Variants in CCDC91 observed in about 807,000 individuals in gnomAD.
The protein encoded by CCDC91 is coiled-coil domain containing 91, also known as coiled-coil domain-containing protein 91.
CCDC91 carries 48 observed loss-of-function variants against 63.2 expected under a neutral mutation model. That is an observed-to-expected ratio of 0.76 (90% CI 0.60 to 0.97). The LOEUF (loss-of-function observed/expected upper bound fraction) is 0.97. CCDC91 is among the 50% of genes least tolerant of loss of function. The pLI is 0.00. For missense variants in CCDC91, 500 were observed against 494.6 expected (o/e 1.01, Z -0.10); for synonymous variants, 167 against 165.8 (o/e 1.01, Z -0.06).
intron 11 of CCDC91, among the ~76,000 whole-genome samples, chr12:28,478,693 A>G (rs535803737): frequency 6.6e-6 from 1 of 152,342 alleles, no homozygotes; most frequent in Non-Finnish European, 1.5e-5. Context: ...GAATGGGAGG[A>G]AATTTTTGCA....
chr12:28,225,901 G>A (rs192402681), intron 1 of CCDC91: 2 of 152,288 alleles, frequency 1.3e-5, no homozygotes, highest in East Asian at 3.9e-4. Flanking sequence ...TTTCTTTGCT[G>A]GCAGCAGGTT....
At chr12:28,358,982 G>C (rs578253342) in intron 6 of CCDC91, among the ~76,000 whole-genome samples, 1 of 152,070 alleles carries the variant, frequency 6.6e-6, no homozygotes, top group African/African-American at 2.4e-5. Context: ...CGCAACCTCC[G>C]CCTCCCGGGT....
chr12:28,529,314 G>A (rs1941544707), intron 12 of CCDC91, among the ~76,000 whole-genome samples: 1 of 152,184 alleles, frequency 6.6e-6, no homozygotes, highest in Non-Finnish European at 1.5e-5. Context: ...TTTGACTTGA[G>A]TATACCAGAC....
chr12:28,197,429 T>C (rs1196003382), intron 1 of CCDC91, among the ~76,000 whole-genome samples: 1 of 152,142 alleles, frequency 6.6e-6, no homozygotes, highest in Middle Eastern at 3.2e-3. Context: ...ATAAGAATTA[T>C]AGAAATCTTT....
chr12:28,377,008 A>C (rs1944989503), intron 7 of CCDC91, among the ~76,000 whole-genome samples: 1 of 151,794 alleles, frequency 6.6e-6, no homozygotes, highest in African/African-American at 2.4e-5. Flanking sequence ...GTTCATTAAA[A>C]ATTCCAACTT....
At chr12:28,202,841 C>G (rs563386463) in intron 1 of CCDC91, among the ~76,000 whole-genome samples, 1 of 152,316 alleles carries the variant, frequency 6.6e-6, no homozygotes, top group African/African-American at 2.4e-5. Flanking sequence ...TTTTAAGATT[C>G]TGGTCAGCTT....
chr12:28,386,792 T>A (rs551820156), intron 7 of CCDC91, among the ~76,000 whole-genome samples: 1 of 152,318 alleles, frequency 6.6e-6, no homozygotes, highest in East Asian at 1.9e-4. Context: ...CAACAAAACA[T>A]TTTCTGCCCT....
intron 3 of CCDC91, among the ~76,000 whole-genome samples, chr12:28,299,479 C>G (rs1277652723): frequency 1.3e-5 from 2 of 151,530 alleles, no homozygotes; most frequent in Non-Finnish European, 3.0e-5. Flanking sequence ...TTTGCAAGTT[C>G]ATTTGTTGTT....
chr12:28,447,379 T>A (rs1949554127), intron 8 of CCDC91, among the ~76,000 whole-genome samples: 1 of 152,136 alleles, frequency 6.6e-6, no homozygotes, highest in South Asian at 2.1e-4. Flanking sequence ...GCCTAAGTGT[T>A]ATCAGTGATT....
chr12:28,496,563 G>A (rs951692290), intron 12 of CCDC91, among the ~76,000 whole-genome samples: 9 of 151,570 alleles, frequency 5.9e-5, no homozygotes, highest in Non-Finnish European at 1.0e-4. Flanking sequence ...AGTCTCCCAA[G>A]TTGCTGTGGT....
chr12:28,330,016 T>G lies in CCDC91; in HGVS notation c.576+22267T>G, dbSNP rs1252573282. Among the ~76,000 whole-genome samples the G allele has an allele frequency of 5.9e-5, 9 of 152,178 alleles. No homozygotes were observed. In the East Asian group the frequency reaches 7.7e-4, roughly 13 times the overall value. On this transcript the variant is annotated intron_variant, in intron 6 of 12. Coordinates refer to ENST00000536442, the MANE Select transcript of CCDC91 (RefSeq NM_018318.5). ...ACATTTTCTTAATCCAGTGTGTCTT[T>G]GATGGACATTAGGGTTGGTTCCAAG...
At chr12:28,300,494 CAA>C (rs1253889061) in intron 3 of CCDC91, among the ~76,000 whole-genome samples, 9 of 145,844 alleles carry the variant, frequency 6.2e-5, no homozygotes, top group African/African-American at 2.2e-4. Flanking sequence ...TTTAATACAG[CAA>C]ATTTTGATAA....
intron 6 of CCDC91, among the ~76,000 whole-genome samples, chr12:28,358,116 A>T (rs961204490): frequency 5.3e-5 from 8 of 152,226 alleles, no homozygotes; most frequent in African/African-American, 1.9e-4. Flanking sequence ...GTATTAAGGA[A>T]GTTGGAAGTG....
intron 3 of CCDC91, among the ~76,000 whole-genome samples, chr12:28,284,189 C>T (rs1948774028): frequency 6.6e-6 from 1 of 151,608 alleles, no homozygotes; most frequent in Admixed American, 6.6e-5. Flanking sequence ...TAGGCATGTA[C>T]TTCTTGTTAT....
chr12:28,519,991 G>A (rs568384372), intron 12 of CCDC91, among the ~76,000 whole-genome samples: 4 of 152,004 alleles, frequency 2.6e-5, no homozygotes, highest in African/African-American at 9.7e-5. Flanking sequence ...ATTTGGGTTG[G>A]TTCCAAGTCT....
At chr12:28,480,224 T>A (rs979313935) in intron 11 of CCDC91, among the ~76,000 whole-genome samples, 5 of 152,034 alleles carry the variant, frequency 3.3e-5, no homozygotes, top group African/African-American at 1.2e-4. Context: ...AGTCTTCATC[T>A]TCTTTCCACA....
At chr12:28,540,569 T>C (rs747019089) in intron 12 of CCDC91, among the ~76,000 whole-genome samples, 1 of 152,178 alleles carries the variant, frequency 6.6e-6, no homozygotes, top group Non-Finnish European at 1.5e-5. Flanking sequence ...TTGGGTGTCA[T>C]ATGCACCTGG....
intron 7 of CCDC91, among the ~76,000 whole-genome samples, chr12:28,363,845 C>G (rs2138616734): frequency 7.6e-6 from 1 of 131,390 alleles, no homozygotes; most frequent in South Asian, 2.5e-4. Context: ...CCACTGCACT[C>G]TAGCCTGGGC....
chr12:28,366,880 C>T (rs1024901457), intron 7 of CCDC91, among the ~76,000 whole-genome samples: 3 of 152,130 alleles, frequency 2.0e-5, no homozygotes, highest in African/African-American at 7.2e-5. Context: ...AACTCCCAAC[C>T]ATGTCCAGAA....
Sources: gnomAD v4.1 joint callset for allele counts (sites outside exome capture counted in the v4.1 genomes callset) on GRCh38, gnomAD v4.1.1 for gene constraint, MANE v1.5 for transcripts, NCBI Gene and HGNC (gene_info 2026-07-23, HGNC 2026-07-21) for gene names.